BANK1: variants seen among roughly 807,000 people sequenced by gnomAD.
BANK1 encodes the protein B cell scaffold protein with ankyrin repeats 1.
Under a neutral mutation model 94.5 loss-of-function variants are expected in BANK1, and 95 were observed. The ratio of observed to expected loss-of-function variants is 1.00; its 90% CI spans 0.85 to 1.19. The LOEUF (loss-of-function observed/expected upper bound fraction) is 1.19. Among genes scored for constraint, BANK1 ranks in the 50% most tolerant of loss-of-function variants. The pLI is 0.00. For missense variants in BANK1, 987 were observed against 932.2 expected (o/e 1.06, Z -0.77); for synonymous variants, 334 against 308.4 (o/e 1.08, Z -0.87).
At chr4:101,970,905 C>T (rs1209081110) in intron 7 of BANK1, among the ~76,000 whole-genome samples, 1 of 152,044 alleles carries the variant, frequency 6.6e-6, no homozygotes, top group Non-Finnish European at 1.5e-5. Context: ...TTCTGTTTAG[C>T]AGGATTCTAA....
intron 4 of BANK1, among the ~76,000 whole-genome samples, chr4:101,864,389 C>A (rs1468510786): frequency 6.6e-6 from 1 of 152,164 alleles, no homozygotes; most frequent in African/African-American, 2.4e-5. Context: ...CATTTTACAT[C>A]ATGACCCAGT....
chr4:101,800,091 T>G (rs1017993455), intron 1 of BANK1, among the ~76,000 whole-genome samples: 2 of 121,486 alleles, frequency 1.6e-5, no homozygotes, highest in East Asian at 5.1e-4. Context: ...TGAGAATACT[T>G]GGACGCAGGA....
intron 7 of BANK1, among the ~76,000 whole-genome samples, chr4:101,949,070 T>C (rs1224018579): frequency 6.6e-6 from 1 of 152,084 alleles, no homozygotes; most frequent in Non-Finnish European, 1.5e-5. Context: ...AGGCTTGGGC[T>C]TGCTCTTATT....
chr4:102,067,355 A>G (rs1367586311), intron 13 of BANK1, among the ~76,000 whole-genome samples: 2 of 152,112 alleles, frequency 1.3e-5, no homozygotes, highest in Non-Finnish European at 2.9e-5. Context: ...TTTAAAAAGC[A>G]GACATTTTCA....
intron 11 of BANK1, among the ~76,000 whole-genome samples, chr4:102,046,016 G>A (rs1346549785): frequency 4.1e-5 from 6 of 147,984 alleles, no homozygotes; most frequent in Non-Finnish European, 8.9e-5. Flanking sequence ...CAAAGCTGGA[G>A]GCATCACGCT....
intron 7 of BANK1, among the ~76,000 whole-genome samples, chr4:101,974,048 G>A (rs1396228627): frequency 6.6e-6 from 1 of 152,066 alleles, no homozygotes; most frequent in Non-Finnish European, 1.5e-5. Flanking sequence ...ACCTGGCGTA[G>A]GGTGGGTGTT....
intron 7 of BANK1, among the ~76,000 whole-genome samples, chr4:102,001,116 G>A (rs1483465197): frequency 6.6e-6 from 1 of 152,146 alleles, no homozygotes; most frequent in African/African-American, 2.4e-5. Context: ...GCAGCAGTGT[G>A]TATGGTCACA....
chr4:101,976,140 A>C (rs1392488970), intron 7 of BANK1, among the ~76,000 whole-genome samples: 1 of 152,172 alleles, frequency 6.6e-6, no homozygotes, highest in East Asian at 1.9e-4. Context: ...AAAGATCTGA[A>C]GTTCCTGTGG....
intron 3 of BANK1, among the ~76,000 whole-genome samples, chr4:101,856,163 C>T (rs1215246939): frequency 6.6e-6 from 1 of 152,042 alleles, no homozygotes; most frequent in Non-Finnish European, 1.5e-5. Context: ...GGTGGAATAT[C>T]CTGTGTAGAA....
chr4:101,895,239 G>T, intron 5 of BANK1, 66 bp from the exon 6 acceptor site: 1 of 850,786 alleles, frequency 1.2e-6, no homozygotes, highest in Non-Finnish European at 1.8e-6. Flanking sequence ...TTGTTAAATT[G>T]CACTAAAATG....
rs889985937 is a variant in BANK1, at chr4:102,074,600, C to G, written c.*601C>G. 6.6e-6 allele frequency: 1 copy of G among 151,896 alleles called. No homozygotes were observed. Among genetic ancestry groups the G allele is most frequent in the Non-Finnish European group, 1.5e-5 (1 of 67,864 alleles). 9.4% of individuals were successfully genotyped at this position (151,896 alleles called of 1,614,324 possible). A position where few individuals can be genotyped will look rare whatever the true frequency, so the allele number is the denominator to read the frequency against. ...CTCAAATTAATATACATTTTCATAA[C>G]CTACCTTTGTATTAAGACTTGCAAT... On this transcript the variant is annotated 3_prime_UTR_variant, in exon 17 of 17. Coordinates refer to ENST00000322953, the MANE Select transcript of BANK1 (RefSeq NM_017935.5).
intron 10 of BANK1, among the ~76,000 whole-genome samples, chr4:102,030,540 C>T (rs571377590): frequency 1.3e-5 from 2 of 151,838 alleles, no homozygotes; most frequent in Admixed American, 6.6e-5. Flanking sequence ...CCCATCAACC[C>T]GTCACCTACA....
chr4:101,888,332 G>A (rs1368635565), intron 5 of BANK1, among the ~76,000 whole-genome samples: 3 of 152,108 alleles, frequency 2.0e-5, no homozygotes, highest in African/African-American at 7.2e-5. Flanking sequence ...TGAAACTTTT[G>A]CTTTTCTGGT....
intron 13 of BANK1, among the ~76,000 whole-genome samples, chr4:102,066,130 T>C (rs977736747): frequency 1.6e-4 from 24 of 151,976 alleles, no homozygotes; most frequent in African/African-American, 5.8e-4. Flanking sequence ...ATTTTCAAGC[T>C]ACTTTAAGCC....
intron 1 of BANK1, among the ~76,000 whole-genome samples, chr4:101,804,558 G>T (rs1012833634): frequency 7.9e-5 from 12 of 152,114 alleles, no homozygotes; most frequent in African/African-American, 2.9e-4. Flanking sequence ...AAGGTGATTT[G>T]CTTGATACAT....
At chr4:102,050,235 CCAAA>C (rs1179771329) in intron 11 of BANK1, among the ~76,000 whole-genome samples, 3 of 152,148 alleles carry the variant, frequency 2.0e-5, no homozygotes, top group African/African-American at 7.2e-5. Context: ...ATTCTTGCCT[CCAAA>C]GAGGCAAGAA....
intron 5 of BANK1, among the ~76,000 whole-genome samples, chr4:101,886,838 T>G (rs910624970): frequency 1.1e-4 from 16 of 152,216 alleles, no homozygotes; most frequent in Admixed American, 3.9e-4. Context: ...AGAAAACTTT[T>G]ATCAGATTGT....
At chr4:101,923,228 C>T (rs925920479) in intron 7 of BANK1, among the ~76,000 whole-genome samples, 1 of 151,748 alleles carries the variant, frequency 6.6e-6, no homozygotes, top group Non-Finnish European at 1.5e-5. Flanking sequence ...CACTGTCAAT[C>T]ATACCTTCTC....
Position 101,803,997 on chromosome 4 carries a change from CAAAAAAAAAAAA to C in BANK1, c.70+13064_70+13075del, listed in dbSNP as rs55704915. On this transcript the variant is annotated intron_variant, in intron 1 of 16. Coordinates refer to ENST00000322953, the MANE Select transcript of BANK1 (RefSeq NM_017935.5). ...TGGGCGACAGAGCGAGACTCCGTCT[CAAAAAAAAAAAA>C]AAAAAAAAAAAAAAAAGAAATATAT... Among the ~76,000 whole-genome samples, 116 of 68,400 alleles carry C rather than the reference CAAAAAAAAAAAA, an allele frequency of 1.7e-3. 1 individual carries two copies. The Middle Eastern group carries it at 0.05, about 29-fold the overall frequency. The allele number at this position is 68,400 out of a possible 152,430, so 44.9% of individuals were successfully genotyped here. A position where few individuals can be genotyped will look rare whatever the true frequency, so the allele number is the denominator to read the frequency against.
Sources: allele counts gnomAD v4.1 joint callset (sites outside exome capture counted in the v4.1 genomes callset), GRCh38; gene constraint gnomAD v4.1.1; transcripts MANE v1.5; gene names NCBI Gene and HGNC (gene_info 2026-07-23, HGNC 2026-07-21).